Variants in GLI2 observed in about 807,000 individuals in gnomAD.
GLI2 encodes the protein transcription activator GLI2.
A neutral mutation model predicts 78.9 loss-of-function variants in GLI2; 22 were observed. That is an observed-to-expected ratio of 0.28 (90% confidence interval 0.20 to 0.40). GLI2 has a LOEUF of 0.40. GLI2 is among the 10% of genes least tolerant of loss of function. The probability of loss-of-function intolerance (pLI) is 1.00; values close to 1 mark genes in which losing one functional copy is unlikely to be tolerated. For synonymous variants in GLI2, 974 were observed against 963.7 expected (o/e 1.01, Z -0.20); for missense variants, 2,097 against 2,213.2 (o/e 0.95, Z 1.05).
At chr2:120,884,489 C>T (rs998655479) in intron 2 of GLI2, among the ~76,000 whole-genome samples, 4 of 152,184 alleles carry the variant, frequency 2.6e-5, no homozygotes, top group Admixed American at 2.0e-4. Context: ...AGCATTGAGC[C>T]GTGTGTGGAT....
chr2:120,856,017 T>G (rs1485086745), intron 2 of GLI2, among the ~76,000 whole-genome samples: 1 of 152,190 alleles, frequency 6.6e-6, no homozygotes, highest in East Asian at 1.9e-4. Flanking sequence ...GCCATCTTGA[T>G]AAAAGCAAGG....
Position 120,990,463 on chromosome 2 carries a change from G to A in GLI2, c.4498G>A (p.Asp1500Asn), listed in dbSNP as rs1683244106. 2 of 1,613,470 alleles carry A rather than the reference G, an allele frequency of 1.2e-6. No individual in the cohort carries two copies. Among genetic ancestry groups the A allele is most frequent in the African/African-American group, 1.3e-5 (1 of 74,816 alleles). ...CCAGATTGACTTCGATGCCATCATG[G>A]ATGATGGCGATCACTCGAGTTTGTT... ...APQIDFDAIM[D>N]DGDHSSLFSG... Residue 1500 changes from aspartate (D) to asparagine (N), a missense_variant, in exon 14 of 14, where the codon GAT becomes AAT. Transcript: ENST00000361492.
At chr2:120,891,240 A>G (rs1677665229) in intron 2 of GLI2, among the ~76,000 whole-genome samples, 1 of 152,084 alleles carries the variant, frequency 6.6e-6, no homozygotes, top group Admixed American at 6.5e-5. Context: ...TAAAGAAGAA[A>G]TCGGGGAGCC....
At chr2:120,859,685 C>T (rs1355827383) in intron 2 of GLI2, among the ~76,000 whole-genome samples, 1 of 152,060 alleles carries the variant, frequency 6.6e-6, no homozygotes, top group Non-Finnish European at 1.5e-5. Context: ...CATCTCTCGG[C>T]CTCAGGTGAT....
At chr2:120,920,790 G>A (rs1433975030) in intron 2 of GLI2, among the ~76,000 whole-genome samples, 1 of 151,218 alleles carries the variant, frequency 6.6e-6, no homozygotes, top group Non-Finnish European at 1.5e-5. Flanking sequence ...AACTTAAAAA[G>A]AGAGTCATTT....
chr2:120,826,330 G>A (rs1437423492), intron 2 of GLI2, among the ~76,000 whole-genome samples: 3 of 152,186 alleles, frequency 2.0e-5, no homozygotes, highest in East Asian at 1.9e-4. Flanking sequence ...ACATTTACTC[G>A]TGCCTCCTGT....
chr2:120,841,256 C>G (rs985609785), intron 2 of GLI2, among the ~76,000 whole-genome samples: 8 of 152,180 alleles, frequency 5.3e-5, no homozygotes, highest in Non-Finnish European at 1.2e-4. Context: ...TGCCTTATTC[C>G]AAAATCCACT....
chr2:120,911,087 G>A (rs1188352906), intron 2 of GLI2, among the ~76,000 whole-genome samples: 3 of 152,142 alleles, frequency 2.0e-5, no homozygotes, highest in Non-Finnish European at 4.4e-5. Context: ...GGGATGAGTC[G>A]GGCAAAGACT....
chr2:120,812,121 A>T (rs1685274567), intron 2 of GLI2, among the ~76,000 whole-genome samples: 1 of 152,178 alleles, frequency 6.6e-6, no homozygotes, highest in African/African-American at 2.4e-5. Context: ...AGGGTTGTTG[A>T]AGCCACTGTC....
chr2:120,738,848 C>T (rs1403486607), intron 1 of GLI2, among the ~76,000 whole-genome samples: 2 of 152,234 alleles, frequency 1.3e-5, no homozygotes, highest in Non-Finnish European at 2.9e-5. Flanking sequence ...TCATTCTGCT[C>T]TGGCCTTGAA....
intron 1 of GLI2, among the ~76,000 whole-genome samples, chr2:120,761,489 TGG>T (rs1325924323): frequency 6.6e-6 from 1 of 152,148 alleles, no homozygotes; most frequent in African/African-American, 2.4e-5. Context: ...CACCTCAGAT[TGG>T]CTCTAGACAA....
At chr2:120,774,197 G>A (rs1453184678) in intron 1 of GLI2, among the ~76,000 whole-genome samples, 2 of 152,132 alleles carry the variant, frequency 1.3e-5, no homozygotes, top group East Asian at 3.9e-4. Flanking sequence ...CCAATAACTA[G>A]TACAAGTGAA....
At chr2:120,919,751 C>G (rs909969278) in intron 2 of GLI2, among the ~76,000 whole-genome samples, 1 of 152,262 alleles carries the variant, frequency 6.6e-6, no homozygotes, top group Non-Finnish European at 1.5e-5. Context: ...GCTGAGGGCC[C>G]TGGTGTTTGG....
chr2:120,812,075 G>A (rs140642812), intron 2 of GLI2, among the ~76,000 whole-genome samples: 3 of 152,304 alleles, frequency 2.0e-5, no homozygotes, highest in East Asian at 1.9e-4. Flanking sequence ...GGGGATCGGC[G>A]GCCTCAGCCT....
intron 2 of GLI2, among the ~76,000 whole-genome samples, chr2:120,825,647 T>C (rs1686020700): frequency 6.6e-6 from 1 of 152,016 alleles, no homozygotes; most frequent in Admixed American, 6.5e-5. Flanking sequence ...TGCACCGGAC[T>C]GTGAGTGTGC....
rs143622563 is a variant in GLI2, at chr2:120,936,587, C to T, written c.254+9121C>T. On this transcript the variant is annotated intron_variant, in intron 3 of 13. Transcript: ENST00000361492. ...TGTCCTCAGAGAGGAAAGAGAGTCTCGCCATGGTTCTCAGGGCTGCAGTGT... is the reference window on the plus strand; with the variant it reads ...TGTCCTCAGAGAGGAAAGAGAGTCTTGCCATGGTTCTCAGGGCTGCAGTGT... Among the ~76,000 whole-genome samples the T allele has an allele frequency of 9.2e-5, 14 of 152,298 alleles. No homozygotes were observed. In the East Asian group the frequency reaches 2.5e-3, roughly 27 times the overall value.
At chr2:120,909,797 G>A (rs906621206) in intron 2 of GLI2, among the ~76,000 whole-genome samples, 7 of 152,156 alleles carry the variant, frequency 4.6e-5, no homozygotes, top group African/African-American at 9.7e-5. Context: ...CCCGGGAGGC[G>A]GAGCTTGCAG....
chr2:120,893,665 A>T (rs1677791265), intron 2 of GLI2, among the ~76,000 whole-genome samples: 1 of 152,034 alleles, frequency 6.6e-6, no homozygotes, highest in African/African-American at 2.4e-5. Flanking sequence ...AAGAAAAAAA[A>T]AAAGGAAAAA....
Position 120,990,284 on chromosome 2 carries a change from A to T in GLI2, c.4319A>T (p.Asp1440Val). The T allele has an allele frequency of 6.2e-7, 1 of 1,613,728 alleles. No individual in the cohort carries two copies. The highest frequency in any genetic ancestry group is 8.5e-7 in the Non-Finnish European group (1 of 1,180,020). Reference protein sequence around the residue: ...YYGQIHMYEQDGGLENLGSCQ... With the variant: ...YYGQIHMYEQVGGLENLGSCQ... Reference sequence around the variant, plus strand: ...GGCCAGATCCACATGTACGAACAGGATGGAGGCCTGGAGAACCTCGGGAGC... The same window carrying T: ...GGCCAGATCCACATGTACGAACAGGTTGGAGGCCTGGAGAACCTCGGGAGC... The change falls in exon 14 of 14, where the codon GAT becomes GTT. Residue 1440 changes from aspartate (D) to valine (V), a missense_variant. Around this residue, in one of 5 missense-constraint regions of GLI2, gnomAD observed 1,290 missense variants for 1,261.7 expected, o/e 1.02. Coordinates refer to ENST00000361492, the MANE Select transcript of GLI2 (RefSeq NM_001374353.1).
Sources: gnomAD v4.1 joint callset for allele counts (sites outside exome capture counted in the v4.1 genomes callset) on GRCh38, gnomAD v4.1.1 for gene constraint, gnomAD v4.1.1 regional missense constraint, MANE v1.5 for transcripts, NCBI Gene and HGNC (gene_info 2026-07-23, HGNC 2026-07-21) for gene names.